The following ZCCHC14 variants were observed in gnomAD, a reference collection of about 807,000 sequenced individuals.
The protein encoded by ZCCHC14 is zinc finger CCHC domain-containing protein 14.
ZCCHC14 carries 16 observed loss-of-function variants against 85.0 expected under a neutral mutation model. The observed-to-expected ratio is 0.19, with a 90% CI of 0.13 to 0.29. The LOEUF is 0.29. ZCCHC14 is among the 10% of genes least tolerant of loss of function. The probability of loss-of-function intolerance (pLI) is 1.00; values close to 1 mark genes in which losing one functional copy is unlikely to be tolerated. For missense variants in ZCCHC14, 1,303 were observed against 1,443.5 expected (o/e 0.90, Z 1.58); for synonymous variants, 775 against 630.7 (o/e 1.23, Z -3.43).
intron 1 of ZCCHC14, among the ~76,000 whole-genome samples, chr16:87,462,771 A>C (rs536728710): frequency 1.3e-5 from 2 of 150,780 alleles, no homozygotes; most frequent in South Asian, 4.2e-4. Context: ...AAAAAGAAAA[A>C]AAACAAACAC....
intron 2 of ZCCHC14, among the ~76,000 whole-genome samples, chr16:87,451,520 G>T (rs1272328940): frequency 6.6e-6 from 1 of 152,224 alleles, no homozygotes; most frequent in Admixed American, 6.5e-5. Context: ...GTAATGATTA[G>T]TGATGTGGCA....
intron 2 of ZCCHC14, among the ~76,000 whole-genome samples, chr16:87,456,943 G>C (rs1442261891): frequency 1.3e-5 from 2 of 152,168 alleles, no homozygotes; most frequent in African/African-American, 2.4e-5. Flanking sequence ...ATTCCTCAAA[G>C]TCCAAAGTTA....
chr16:87,472,231 C>T (rs1400860971), intron 1 of ZCCHC14: 3 of 152,322 alleles, frequency 2.0e-5, no homozygotes, highest in Middle Eastern at 3.4e-3. Context: ...CATCACTAGT[C>T]GTGCGACACA....
At chr16:87,411,470 C>T in intron 12 of ZCCHC14, 46 bp downstream of exon 12, 1 of 1,599,978 alleles carries the variant, frequency 6.3e-7, no homozygotes, top group Non-Finnish European at 8.5e-7. Context: ...TTTGTGTGCA[C>T]TGGTCCTGCG....
In ZCCHC14 at chr16:87,417,905, G is replaced by A. The variant is rs912353899; in HGVS notation, c.1101-163C>T. 2.0e-5 allele frequency: 16 copies of A among 786,732 alleles called. No homozygotes were observed. The African/African-American group carries it at 2.1e-4, about 10-fold the overall frequency. The allele number at this position is 786,732 out of a possible 1,614,324, so 48.7% of individuals were successfully genotyped here. A position where few individuals can be genotyped will look rare whatever the true frequency, so the allele number is the denominator to read the frequency against. On this transcript the variant is annotated intron_variant, in intron 7 of 12. Coordinates refer to ENST00000671377, the MANE Select transcript of ZCCHC14 (RefSeq NM_015144.3). ...CTGCCAACACTGCTGTGCTATGACT[G>A]CCCTCCCTCCCCAACCACCTTTCTG...
intron 8 of ZCCHC14, among the ~76,000 whole-genome samples, chr16:87,416,114 C>T (rs867174170): frequency 1.3e-4 from 19 of 151,994 alleles, no homozygotes; most frequent in Middle Eastern, 6.8e-3. Flanking sequence ...TTAGTAGAGA[C>T]GGGGTTTCAC....
intron 2 of ZCCHC14, among the ~76,000 whole-genome samples, chr16:87,454,375 GACA>G (rs1167396032): frequency 6.6e-6 from 1 of 152,102 alleles, no homozygotes; most frequent in Non-Finnish European, 1.5e-5. Context: ...CCAAACCAAA[GACA>G]ACATCCTCAA....
intron 1 of ZCCHC14, among the ~76,000 whole-genome samples, chr16:87,466,829 G>A (rs1386005091): frequency 6.6e-6 from 1 of 152,158 alleles, no homozygotes; most frequent in Admixed American, 6.5e-5. Flanking sequence ...GTGAAGTTGT[G>A]ATGGCTTCCA....
intron 3 of ZCCHC14, among the ~76,000 whole-genome samples, chr16:87,425,857 T>C (rs1909343962): frequency 1.3e-5 from 2 of 152,206 alleles, no homozygotes; most frequent in African/African-American, 4.8e-5. Flanking sequence ...AGGCTGTATC[T>C]TTCCTACTGC....
At chr16:87,446,826 G>T (rs949048022) in intron 2 of ZCCHC14, among the ~76,000 whole-genome samples, 4 of 152,026 alleles carry the variant, frequency 2.6e-5, no homozygotes, top group Non-Finnish European at 5.9e-5. Flanking sequence ...TGGGATTACA[G>T]GCACACACCA....
intron 10 of ZCCHC14, 25 bp from the exon 11 acceptor site, chr16:87,413,220 GC>G: frequency 6.6e-7 from 1 of 1,507,388 alleles, no homozygotes; most frequent in South Asian, 1.3e-5. Flanking sequence ...CAGAGGAGCA[GC>G]CATCAACTAG....
In ZCCHC14 at chr16:87,412,003, A is replaced by G. The variant is rs752491752; in HGVS notation, c.2718T>C (p.His906=). ...GCTGCGGGGGTGCCGGGGGCTGCTG[A>G]TGGTGGTGGTGGTGGTGGTGGTTCG... ...SNPNHHHHHH[H]QQPPAPPQPA... is the part of the protein sequence containing the mutation. Residue 906 remains histidine, a synonymous_variant, in exon 12 of 13, where the codon CAT becomes CAC. Coordinates refer to ENST00000671377, the MANE Select transcript of ZCCHC14 (RefSeq NM_015144.3). The G allele has an allele frequency of 2.2e-5, 35 of 1,609,188 alleles. No homozygotes were observed. Among genetic ancestry groups the G allele is most frequent in the Non-Finnish European group, 2.7e-5 (32 of 1,179,578 alleles).
chr16:87,486,471 G>A (rs979524499), intron 1 of ZCCHC14, among the ~76,000 whole-genome samples: 5 of 152,312 alleles, frequency 3.3e-5, no homozygotes, highest in South Asian at 4.1e-4. Flanking sequence ...GAGGTGTAGC[G>A]GGTTCTGCCA....
At chr16:87,448,461 T>C (rs915646527) in intron 2 of ZCCHC14, among the ~76,000 whole-genome samples, 5 of 152,208 alleles carry the variant, frequency 3.3e-5, no homozygotes, top group Admixed American at 2.0e-4. Context: ...GTGTGAAGAC[T>C]CACGAGGCCG....
intron 1 of ZCCHC14, among the ~76,000 whole-genome samples, chr16:87,476,826 C>A (rs1430507083): frequency 1.1e-4 from 16 of 152,100 alleles, no homozygotes; most frequent in Non-Finnish European, 1.3e-4. Flanking sequence ...CTTACTGCTT[C>A]TGTCAAAACT....
At chr16:87,414,268 C>G (rs975339300) in intron 10 of ZCCHC14, 146 bp downstream of exon 10, 1 of 1,395,930 alleles carries the variant, frequency 7.2e-7, no homozygotes, top group African/African-American at 1.4e-5. Flanking sequence ...AGTAACCCAC[C>G]TGCCCGGCAC....
chr16:87,473,016 G>C (rs1911842700), intron 1 of ZCCHC14: 1 of 152,134 alleles, frequency 6.6e-6, no homozygotes, highest in Non-Finnish European at 1.5e-5. Context: ...ACTGCACCCA[G>C]TGTAAGAAAA....
At position 87,412,233 on chromosome 16, in the gene ZCCHC14, C is replaced by A; in HGVS notation, c.2488G>T (p.Val830Leu). 1.2e-6 allele frequency: 2 copies of A among 1,613,782 alleles called. No homozygotes were observed. Among genetic ancestry groups the A allele is most frequent in the African/African-American group, 1.3e-5 (1 of 74,960 alleles). The change falls in exon 12 of 13, where the codon GTG (valine) becomes TTG (leucine). Residue 830 changes from valine (V) to leucine (L), a missense_variant. Coordinates refer to ENST00000671377, the MANE Select transcript of ZCCHC14 (RefSeq NM_015144.3). ...CAGAAGCCACCCTGCAGGGGGCCCACTGGCATACTGCTCATTGCAGAAAAG... is the reference window on the plus strand; with the variant it reads ...CAGAAGCCACCCTGCAGGGGGCCCAATGGCATACTGCTCATTGCAGAAAAG... ...VAFSAMSSMP[V>L]GPLQGGFCAN...
At chr16:87,416,321 G>A (rs965368260) in intron 8 of ZCCHC14, among the ~76,000 whole-genome samples, 5 of 152,190 alleles carry the variant, frequency 3.3e-5, no homozygotes, top group African/African-American at 9.7e-5. Flanking sequence ...GTGTAGGCTG[G>A]TGCTACGCAA....
Sources: gnomAD v4.1 joint callset for allele counts (sites outside exome capture counted in the v4.1 genomes callset) on GRCh38, gnomAD v4.1.1 for gene constraint, MANE v1.5 for transcripts, NCBI Gene and HGNC (gene_info 2026-07-23, HGNC 2026-07-21) for gene names.